LRGUK: variants seen among roughly 807,000 people sequenced by gnomAD.
LRGUK encodes leucine-rich repeat and guanylate kinase domain-containing protein.
LRGUK carries 65 observed loss-of-function variants against 76.0 expected under a neutral mutation model. The observed-to-expected ratio is 0.85, with a 90% CI of 0.70 to 1.05. The LOEUF (loss-of-function observed/expected upper bound fraction) is 1.05, where lower values mean the gene tolerates loss of function less well. Ranked by LOEUF, LRGUK falls within the 50% of genes least tolerant of loss-of-function variation. The pLI is 0.00. For synonymous variants in LRGUK, 268 were observed against 265.6 expected (o/e 1.01, Z -0.09); for missense variants, 758 against 732.8 (o/e 1.03, Z -0.40).
At chr7:134,272,526 G>A in the LRGUK span, among the ~76,000 whole-genome samples, 10 of 152,080 alleles carry the variant, frequency 6.6e-5, no homozygotes, top group African/African-American at 1.4e-4. Context: ...GCAAGGAGGG[G>A]TAGGAATATT....
chr7:134,270,177 A>C, the LRGUK span, among the ~76,000 whole-genome samples: 1 of 152,204 alleles, frequency 6.6e-6, no homozygotes, highest in East Asian at 1.9e-4. Context: ...ATCTACATAG[A>C]AAATTCCAAG....
intron 5 of LRGUK, among the ~76,000 whole-genome samples, chr7:134,152,326 T>G (rs1200073945): frequency 5.3e-5 from 8 of 152,006 alleles, no homozygotes; most frequent in Non-Finnish European, 1.2e-4. Flanking sequence ...ATAAGACTTG[T>G]GGGGATAGGG....
At chr7:134,257,470 A>T (rs949567895) in intron 18 of LRGUK, among the ~76,000 whole-genome samples, 1 of 152,170 alleles carries the variant, frequency 6.6e-6, no homozygotes, top group Non-Finnish European at 1.5e-5. Context: ...GCTCAGAGGC[A>T]GGGATTTCAG....
chr7:134,263,761 C>A, intron 19 of LRGUK, 84 bp from the exon 20 acceptor site: 5 of 1,283,424 alleles, frequency 3.9e-6, no homozygotes, highest in Non-Finnish European at 5.3e-6. Context: ...AGAAATTGTT[C>A]TGGTGCTTAT....
At chr7:134,249,441 A>G (rs1359249358) in intron 18 of LRGUK, among the ~76,000 whole-genome samples, 1 of 152,270 alleles carries the variant, frequency 6.6e-6, no homozygotes, top group East Asian at 1.9e-4. Context: ...CTGTACTGTG[A>G]TTCGGCTGTG....
At chr7:134,253,551 A>T (rs1802497550) in intron 18 of LRGUK, among the ~76,000 whole-genome samples, 1 of 152,244 alleles carries the variant, frequency 6.6e-6, no homozygotes, top group Non-Finnish European at 1.5e-5. Flanking sequence ...GGCGTGGCTC[A>T]TGCCTATAAT....
rs746949241 is a variant in LRGUK at position 134,209,461 on chromosome 7, TC to T, written c.2602del (p.Gln868LysfsTer3). ...GTATCCCTCACCCAGAACTGCCACA[TC>T]CCCAAGACTTAGCAACAGATACCAA... On this transcript the variant is annotated frameshift_variant, in exon 16 of 16. Coordinates refer to ENST00000645682, the Ensembl canonical transcript of LRGUK. LOFTEE classifies it low-confidence loss of function (END_TRUNC). 3.3e-5 allele frequency: 13 copies of T among 398,588 alleles called. No homozygotes were observed. In the South Asian group the frequency reaches 1.7e-3, roughly 51 times the overall value. The allele number at this position is 398,588 out of a possible 1,614,324, so 24.7% of individuals were successfully genotyped here. A position where few individuals can be genotyped will look rare whatever the true frequency, so the allele number is the denominator to read the frequency against.
intron 18 of LRGUK, among the ~76,000 whole-genome samples, chr7:134,256,255 C>T (rs975468114): frequency 2.5e-4 from 38 of 152,038 alleles, no homozygotes; most frequent in African/African-American, 8.9e-4. Flanking sequence ...GTCAGGAGTT[C>T]GAGACCAGCC....
exon 6 of LRGUK, chr7:134,158,098 C>T: frequency 6.2e-7 from 1 of 1,612,808 alleles, no homozygotes; most frequent in Non-Finnish European, 8.5e-7. Context: ...CTTAGTTTGG[C>T]CAACAATAAG....
intron 3 of LRGUK, among the ~76,000 whole-genome samples, chr7:134,142,625 G>A (rs1481558222): frequency 6.6e-6 from 1 of 152,162 alleles, no homozygotes; most frequent in African/African-American, 2.4e-5. Context: ...CCTAATTGTG[G>A]CATTTCCACT....
At chr7:134,144,202 G>A (rs1342903993) in intron 4 of LRGUK, among the ~76,000 whole-genome samples, 1 of 152,128 alleles carries the variant, frequency 6.6e-6, no homozygotes, top group Non-Finnish European at 1.5e-5. Flanking sequence ...GCGCAATCTT[G>A]TCTCACTCTC....
chr7:134,180,290 GTCCATCCATCCA>G (rs3030440), intron 10 of LRGUK, among the ~76,000 whole-genome samples: 2,354 of 149,866 alleles, frequency 0.016, 31 homozygotes, highest in South Asian at 0.034. Flanking sequence ...CAATTCCTCT[GTCCATCCATCCA>G]TCCATCCATC....
At chr7:134,163,106 AC>A in intron 6 of LRGUK, among the ~76,000 whole-genome samples, 1 of 152,174 alleles carries the variant, frequency 6.6e-6, no homozygotes, top group African/African-American at 2.4e-5. Flanking sequence ...CAATGTTAAA[AC>A]CTTATATTAC....
chr7:134,232,660 ATAT>A, intron 16 of LRGUK, among the ~76,000 whole-genome samples: 1 of 152,264 alleles, frequency 6.6e-6, no homozygotes, highest in South Asian at 2.1e-4. Context: ...ATGCCCAAGA[ATAT>A]TATTTTTTAC....
chr7:134,199,202 C>A lies in LRGUK; in HGVS notation c.1546-18C>A, dbSNP rs1471132071. 2 of 1,604,484 alleles carry A rather than the reference C, an allele frequency of 1.2e-6. No homozygotes were observed. The highest frequency in any genetic ancestry group is 1.7e-6 in the Non-Finnish European group (2 of 1,172,192). On this transcript the variant is annotated intron_variant, in intron 13 of 15. Coordinates refer to ENST00000645682, the Ensembl canonical transcript of LRGUK. The stretch of plus-strand genomic sequence containing the variant: ...CATGTATCTGTTTCCAATTTATTAT[C>A]TTCCTTTTAATGCACAGGGTGTAAG...
chr7:134,255,222 AAC>A (rs66632170), intron 18 of LRGUK, among the ~76,000 whole-genome samples: 52,322 of 142,788 alleles, frequency 0.37, 10,824 homozygotes, highest in Admixed American at 0.54. Context: ...ATGTTATCTC[AAC>A]ACACACACAC....
intron 16 of LRGUK, among the ~76,000 whole-genome samples, chr7:134,243,047 C>T (rs1318613003): frequency 6.6e-6 from 1 of 152,126 alleles, no homozygotes; most frequent in Non-Finnish European, 1.5e-5. Context: ...ATTGATGGGA[C>T]ATATCTCAAA....
chr7:134,245,546 C>T (rs547367482), intron 16 of LRGUK, among the ~76,000 whole-genome samples: 2 of 152,176 alleles, frequency 1.3e-5, no homozygotes, highest in African/African-American at 4.8e-5. Flanking sequence ...CACCTGGTTT[C>T]GTTGTAAGTT....
At chr7:134,205,852 A>C (rs934933371) in intron 15 of LRGUK, among the ~76,000 whole-genome samples, 4 of 152,254 alleles carry the variant, frequency 2.6e-5, no homozygotes, top group African/African-American at 9.6e-5. Context: ...GCATCAGTAC[A>C]AACAGAAATC....
Sources: allele counts gnomAD v4.1 joint callset (sites outside exome capture counted in the v4.1 genomes callset), GRCh38; gene constraint gnomAD v4.1.1; transcripts MANE v1.5; gene names NCBI Gene and HGNC (gene_info 2026-07-23, HGNC 2026-07-21).